Variants in FAAH2 observed in about 807,000 individuals in gnomAD.
The protein encoded by FAAH2 is fatty-acid amide hydrolase 2.
A neutral mutation model predicts 36.9 loss-of-function variants in FAAH2; 60 were observed. The observed-to-expected ratio is 1.63, with a 90% CI of 1.32 to 2.02. The LOEUF (loss-of-function observed/expected upper bound fraction) is 2.02, where lower values mean the gene tolerates loss of function less well. Ranked by LOEUF, FAAH2 falls within the 30% of genes most tolerant of loss-of-function variation. The pLI is 0.00. For synonymous variants in FAAH2, 214 were observed against 143.8 expected, an observed-to-expected ratio of 1.49 and a Z score of -3.49; for missense variants, 689 against 397.5, an observed-to-expected ratio of 1.73 and a Z score of -6.23.
chrX:57,448,752 T>G, intron 10 of FAAH2, 34 bp downstream of exon 10: 1 of 1,138,406 alleles, frequency 8.8e-7, no homozygotes, highest in Non-Finnish European at 1.2e-6. Context: ...TCTGTAATCT[T>G]AAAGAAATAG....
intron 10 of FAAH2, among the ~76,000 whole-genome samples, chrX:57,456,495 A>G (rs777334890): frequency 4.5e-5 from 5 of 111,944 alleles, no homozygotes; most frequent in Non-Finnish European, 9.4e-5. Context: ...ATCAATGAAA[A>G]CAAGTGTTGC....
upstream of FAAH2, among the ~76,000 whole-genome samples, chrX:57,283,722 C>T (rs1261610975): frequency 9.0e-6 from 1 of 111,348 alleles, no homozygotes; most frequent in Non-Finnish European, 1.9e-5. Context: ...GTGGCTGCAG[C>T]GTGCTGGAGG....
the FAAH2 span, among the ~76,000 whole-genome samples, chrX:57,248,072 T>C: frequency 8.9e-6 from 1 of 112,088 alleles, no homozygotes; most frequent in Non-Finnish European, 1.9e-5. Flanking sequence ...TCTAGCTAGA[T>C]GACATATTTA....
the FAAH2 span, among the ~76,000 whole-genome samples, chrX:57,273,423 TACA>T: frequency 8.9e-6 from 1 of 111,778 alleles, no homozygotes; most frequent in Admixed American, 9.5e-5. Flanking sequence ...AATAGACTTC[TACA>T]GAATTCTCCA....
intron 7 of FAAH2, among the ~76,000 whole-genome samples, chrX:57,398,954 C>T (rs1402504792): frequency 9.0e-6 from 1 of 111,225 alleles, no homozygotes; most frequent in Non-Finnish European, 1.9e-5. Flanking sequence ...CTAATTGCTT[C>T]CTGCTGAATT....
chrX:57,383,790 C>G (rs2054926954), intron 7 of FAAH2, among the ~76,000 whole-genome samples: 1 of 111,959 alleles, frequency 8.9e-6, no homozygotes, highest in Non-Finnish European at 1.9e-5. Context: ...ATCAAGCTAC[C>G]AATGACTTTC....
the FAAH2 span, among the ~76,000 whole-genome samples, chrX:57,232,641 A>T: frequency 8.9e-6 from 1 of 112,391 alleles, no homozygotes; most frequent in East Asian, 2.8e-4. Context: ...AGATAGACAT[A>T]TTCAATTCTG....
At chrX:57,245,892 G>A in the FAAH2 span, among the ~76,000 whole-genome samples, 1 of 111,637 alleles carries the variant, frequency 9.0e-6, no homozygotes, top group Non-Finnish European at 1.9e-5. Flanking sequence ...AAAACTGAAA[G>A]AGATAGAGAC....
chrX:57,265,991 G>A, the FAAH2 span, among the ~76,000 whole-genome samples: 2 of 112,039 alleles, frequency 1.8e-5, no homozygotes, highest in Non-Finnish European at 3.8e-5. Flanking sequence ...AGGGGTAGGG[G>A]TGGGCCGCCA....
chrX:57,353,360 T>C (rs1286355577), intron 5 of FAAH2, among the ~76,000 whole-genome samples: 1 of 108,760 alleles, frequency 9.2e-6, no homozygotes, highest in African/African-American at 3.3e-5. Context: ...GAATCACTTT[T>C]CAATAAATGG....
Position 57,298,861 on chromosome X carries a change from G to A in FAAH2, c.275+6281G>A, listed in dbSNP as rs189081246. Among the ~76,000 whole-genome samples the A allele has an allele frequency of 1.1e-3, 113 of 105,428 alleles. 2 individuals carry two copies. In the East Asian group the frequency reaches 0.031, roughly 29 times the overall value. The allele number at this position is 105,428 out of a possible 115,157, so 91.6% of individuals were successfully genotyped here. ...ATAAACTAGAAAATCTAGAAGAAAC[G>A]GATAAATTCCTCGACACCTACACTG... On this transcript the variant is annotated intron_variant, in intron 2 of 10. Coordinates refer to ENST00000374900, the MANE Select transcript of FAAH2 (RefSeq NM_174912.4).
At chrX:57,181,809 G>A in the FAAH2 span, among the ~76,000 whole-genome samples, 1 of 111,734 alleles carries the variant, frequency 8.9e-6, no homozygotes, top group Non-Finnish European at 1.9e-5. Flanking sequence ...GGAGCATGAT[G>A]CTACCCAACT....
the FAAH2 span, among the ~76,000 whole-genome samples, chrX:57,243,089 A>C: frequency 9.0e-6 from 1 of 111,309 alleles, no homozygotes; most frequent in East Asian, 2.8e-4. Flanking sequence ...ACTATTACTA[A>C]GGCTTGAGTA....
chrX:57,395,155 A>G, intron 7 of FAAH2: 1 of 535,762 alleles, frequency 1.9e-6, no homozygotes, highest in Non-Finnish European at 3.5e-6. Flanking sequence ...ATTCAAAGAT[A>G]TGATGTACTT....
At chrX:57,395,003 T>C in intron 7 of FAAH2, 1 of 566,146 alleles carries the variant, frequency 1.8e-6, no homozygotes, top group Non-Finnish European at 3.2e-6. Flanking sequence ...GTCATTTAGG[T>C]CACCTCTAGC....
At chrX:57,353,292 A>T (rs2054073268) in intron 5 of FAAH2, among the ~76,000 whole-genome samples, 1 of 109,672 alleles carries the variant, frequency 9.1e-6, no homozygotes, top group Non-Finnish European at 1.9e-5. Flanking sequence ...AAATAAAGCC[A>T]CATAAATACA....
At chrX:57,425,614 C>G (rs914555310) in intron 7 of FAAH2, among the ~76,000 whole-genome samples, 7 of 111,240 alleles carry the variant, frequency 6.3e-5, no homozygotes, top group Non-Finnish European at 1.3e-4. Flanking sequence ...GAATCCTGCT[C>G]TAATGTTTAT....
At chrX:57,423,632 C>G (rs895854205) in intron 7 of FAAH2, among the ~76,000 whole-genome samples, 1 of 111,377 alleles carries the variant, frequency 9.0e-6, no homozygotes, top group South Asian at 3.8e-4. Context: ...TTTGGCACAG[C>G]AGAGGTTCCT....
chrX:57,463,990 C>A (rs1339162757), intron 10 of FAAH2, among the ~76,000 whole-genome samples: 1 of 111,855 alleles, frequency 8.9e-6, no homozygotes, highest in East Asian at 2.8e-4. Flanking sequence ...CTAGCAAAAA[C>A]TTGGAATCAA....
Sources: allele counts gnomAD v4.1 joint callset (sites outside exome capture counted in the v4.1 genomes callset), GRCh38; gene constraint gnomAD v4.1.1; transcripts MANE v1.5; gene names NCBI Gene and HGNC (gene_info 2026-07-23, HGNC 2026-07-21).